Variants in SLC2A9 observed in about 807,000 individuals in gnomAD.
SLC2A9 encodes the protein solute carrier family 2, facilitated glucose transporter member 9.
A neutral mutation model predicts 50.6 loss-of-function variants in SLC2A9; 39 were observed. That is an observed-to-expected ratio of 0.77 (90% confidence interval 0.60 to 1.01). The LOEUF is 1.01. SLC2A9 is among the 50% of genes least tolerant of loss of function. The pLI, the probability that SLC2A9 is intolerant of heterozygous loss-of-function variation, is 0.00. For missense variants in SLC2A9, 686 were observed against 677.6 expected, an observed-to-expected ratio of 1.01 and a Z score of -0.14; for synonymous variants, 324 against 276.9, an observed-to-expected ratio of 1.17 and a Z score of -1.69.
intron 7 of SLC2A9, among the ~76,000 whole-genome samples, chr4:9,911,961 T>G (rs572599702): frequency 3.3e-5 from 5 of 152,136 alleles, no homozygotes; most frequent in African/African-American, 9.6e-5. Flanking sequence ...TATGCAGCCA[T>G]AAAAAATAAT....
intron 2 of SLC2A9, among the ~76,000 whole-genome samples, chr4:10,001,734 C>T (rs1560468294): frequency 6.6e-6 from 1 of 152,196 alleles, no homozygotes; most frequent in Non-Finnish European, 1.5e-5. Context: ...AGTGGCTGGA[C>T]ATTTACCTGA....
Position 10,019,007 on chromosome 4 carries a change from A to G in SLC2A9, c.217T>C (p.Tyr73His), listed in dbSNP as rs1763138846. 3 of 1,550,642 alleles carry G rather than the reference A, an allele frequency of 1.9e-6. No homozygotes were observed. The highest frequency in any genetic ancestry group is 2.6e-6 in the Non-Finnish European group (3 of 1,146,964). ...GAFGSSFLYG[Y>H]NLSVVNAPTP... The stretch of plus-strand genomic sequence containing the variant: ...GGGGCATTCACCACCGACAGGTTGT[A>G]GCCGTAGAGGAAGGAGGAGCCGAAG... The change falls in exon 2 of 12, where the codon TAC becomes CAC. Residue 73 changes from tyrosine to histidine, a missense_variant. By Grantham distance (83) the Tyr-to-His change is moderately conservative (BLOSUM62 2). Transcript: ENST00000264784.
At position 9,949,826 on chromosome 4, in the gene SLC2A9, A is replaced by G. The variant is rs79735120; in HGVS notation, c.682-7781T>C. 8.9e-3 allele frequency among the ~76,000 whole-genome samples: 1,354 copies of G among 152,306 alleles called. 21 individuals are homozygous for G. The highest frequency in any genetic ancestry group is 0.03 in the African/African-American group (1,257 of 41,554). ...CAATAGCTCATGCTATTACAAAAAC[A>G]TCAAGATAGTGAAGCCTGCACTCAC... On this transcript the variant is annotated intron_variant, in intron 5 of 11. Transcript: ENST00000264784.
At chr4:9,895,314 A>G (rs13107656) in intron 8 of SLC2A9, among the ~76,000 whole-genome samples, 59,761 of 152,136 alleles carry the variant, frequency 0.39, 14,037 homozygotes, top group Non-Finnish European at 0.52. Context: ...GAAAGAAGGG[A>G]TAAAAACAAC....
At chr4:9,957,377 T>A (rs114187284) in intron 5 of SLC2A9, among the ~76,000 whole-genome samples, 10 of 152,330 alleles carry the variant, frequency 6.6e-5, no homozygotes, top group Non-Finnish European at 1.0e-4. Flanking sequence ...CACGCTGTCA[T>A]CACTCTTGAG....
chr4:9,799,700 C>CGCCCCA (rs139684538), intron 3 of SLC2A9, among the ~76,000 whole-genome samples: 1 of 93,638 alleles, frequency 1.1e-5, no homozygotes, highest in Non-Finnish European at 2.1e-5. Flanking sequence ...GTACCCCCCC[C>CGCCCCA]CCACCCAACT....
intron 4 of SLC2A9, among the ~76,000 whole-genome samples, chr4:9,985,272 G>A (rs1002946529): frequency 6.6e-6 from 1 of 152,114 alleles, no homozygotes; most frequent in African/African-American, 2.4e-5. Flanking sequence ...CTCTACAAAT[G>A]CCTGGCGAGT....
At chr4:10,013,277 A>G (rs561074555) in intron 2 of SLC2A9, among the ~76,000 whole-genome samples, 5 of 152,356 alleles carry the variant, frequency 3.3e-5, no homozygotes, top group African/African-American at 1.2e-4. Context: ...CATGTGGCCT[A>G]TCAGCACCTC....
intron 1 of SLC2A9, among the ~76,000 whole-genome samples, chr4:10,032,743 G>A (rs1285848040): frequency 2.6e-5 from 4 of 152,234 alleles, no homozygotes; most frequent in Admixed American, 1.3e-4. Context: ...TACCCAGCCC[G>A]TGCAGCTCTC....
chr4:9,783,034 C>T (rs145497708), intron 3 of SLC2A9: 6 of 1,614,232 alleles, frequency 3.7e-6, no homozygotes, highest in East Asian at 4.5e-5. Context: ...GCTTCCCCTG[C>T]GTCAGTGAGA....
intron 10 of SLC2A9, among the ~76,000 whole-genome samples, chr4:9,871,447 G>A (rs748302556): frequency 3.9e-5 from 6 of 152,128 alleles, no homozygotes; most frequent in Non-Finnish European, 5.9e-5. Context: ...AACCATCCAC[G>A]CCTCTCTCCT....
chr4:9,910,558 C>A (rs745382230), intron 7 of SLC2A9, among the ~76,000 whole-genome samples: 13 of 152,176 alleles, frequency 8.5e-5, no homozygotes, highest in Non-Finnish European at 1.9e-4. Flanking sequence ...CAGGCTGTCA[C>A]CCATGTGAAG....
chr4:9,781,992 GGGACCGCGCACAGACCGCCCCT>G (rs1302847453), intron 3 of SLC2A9: 2 of 1,411,586 alleles, frequency 1.4e-6, no homozygotes, highest in Middle Eastern at 1.9e-4. Flanking sequence ...GGCTGAAGTT[GGGACCGCGCACAGACCGCCCCT>G]GCAGTCCAGC....
intron 8 of SLC2A9, among the ~76,000 whole-genome samples, chr4:9,893,792 G>A (rs1261473179): frequency 6.6e-6 from 1 of 152,150 alleles, no homozygotes; most frequent in African/African-American, 2.4e-5. Flanking sequence ...GATATCAGGG[G>A]CTTAGAGAGA....
At chr4:9,861,635 G>A (rs1419262116) in intron 10 of SLC2A9, among the ~76,000 whole-genome samples, 1 of 152,060 alleles carries the variant, frequency 6.6e-6, no homozygotes, top group Non-Finnish European at 1.5e-5. Context: ...CCATATAGGG[G>A]CTCCTCTTGG....
intron 5 of SLC2A9, among the ~76,000 whole-genome samples, chr4:9,958,963 G>A (rs960940276): frequency 2.1e-5 from 3 of 141,948 alleles, no homozygotes; most frequent in African/African-American, 8.4e-5. Context: ...ATAACTCCAG[G>A]AAAAACAAAA....
chr4:9,861,443 C>A (rs747859995), intron 10 of SLC2A9, among the ~76,000 whole-genome samples: 1 of 152,154 alleles, frequency 6.6e-6, no homozygotes, highest in Non-Finnish European at 1.5e-5. Context: ...TGCCCCACCT[C>A]CAACACTGGG....
At chr4:10,018,194 G>C (rs933437604) in intron 2 of SLC2A9, among the ~76,000 whole-genome samples, 1 of 152,202 alleles carries the variant, frequency 6.6e-6, no homozygotes, top group Non-Finnish European at 1.5e-5. Flanking sequence ...TAAAACACAA[G>C]CCAAAGATGG....
At chr4:9,887,044 G>A (rs1157298450) in intron 10 of SLC2A9, among the ~76,000 whole-genome samples, 1 of 152,216 alleles carries the variant, frequency 6.6e-6, no homozygotes, top group Non-Finnish European at 1.5e-5. Context: ...TGGGGCCTGG[G>A]CCTGGCAGTC....
Sources: gnomAD v4.1 joint callset for allele counts (sites outside exome capture counted in the v4.1 genomes callset) on GRCh38, gnomAD v4.1.1 for gene constraint, MANE v1.5 for transcripts, NCBI Gene and HGNC (gene_info 2026-07-23, HGNC 2026-07-21) for gene names.